Variants in C6orf89 observed in about 807,000 individuals in gnomAD.
C6orf89 encodes bombesin receptor-activated protein C6orf89.
C6orf89 carries 29 observed loss-of-function variants against 40.7 expected under a neutral mutation model. The ratio of observed to expected loss-of-function variants is 0.71; its 90% CI spans 0.53 to 0.97. The LOEUF (loss-of-function observed/expected upper bound fraction) is 0.97, where lower values mean the gene tolerates loss of function less well. Ranked by LOEUF, C6orf89 falls within the 50% of genes least tolerant of loss-of-function variation. C6orf89 has a pLI of 0.00. For missense variants in C6orf89, 392 were observed against 429.1 expected (o/e 0.91, Z 0.76); for synonymous variants, 165 against 152.2 (o/e 1.08, Z -0.62).
intron 4 of C6orf89, among the ~76,000 whole-genome samples, chr6:36,907,246 A>G (rs147793125): frequency 2.6e-4 from 39 of 151,946 alleles, no homozygotes; most frequent in Non-Finnish European, 1.5e-4. Context: ...CTTTTTATCC[A>G]GAGGGAGTTT....
chr6:36,919,213 A>G (rs1282196285), intron 7 of C6orf89, among the ~76,000 whole-genome samples: 1 of 152,152 alleles, frequency 6.6e-6, no homozygotes, highest in Non-Finnish European at 1.5e-5. Flanking sequence ...GCAATTAGGT[A>G]TTTTTCTTTG....
chr6:36,887,755 A>G (rs1242810101), intron 1 of C6orf89, among the ~76,000 whole-genome samples: 4 of 152,214 alleles, frequency 2.6e-5, no homozygotes, highest in Non-Finnish European at 1.5e-5. Context: ...ATCTCATTCC[A>G]TCACCCAGGT....
At chr6:36,915,531 C>T (rs553982061) in intron 6 of C6orf89, among the ~76,000 whole-genome samples, 4 of 152,126 alleles carry the variant, frequency 2.6e-5, no homozygotes, top group Admixed American at 2.0e-4. Flanking sequence ...CACTTGGGCC[C>T]GGGAGTTGGA....
intron 4 of C6orf89, among the ~76,000 whole-genome samples, chr6:36,903,406 A>ACTTTT (rs1761799005): frequency 6.6e-6 from 1 of 152,188 alleles, no homozygotes; most frequent in South Asian, 2.1e-4. Flanking sequence ...ATGTGTCTTA[A>ACTTTT]ATTTTAGGAA....
chr6:36,925,575 AAATC>A lies in C6orf89; in HGVS notation c.*2135_*2138del, dbSNP rs1235164941. 6.6e-6 allele frequency: 1 copy of A among 152,222 alleles called. No homozygotes were observed. Among genetic ancestry groups the A allele is most frequent in the African/African-American group, 2.4e-5 (1 of 41,464 alleles). The allele number at this position is 152,222 out of a possible 1,614,324, so 9.4% of individuals were successfully genotyped here. On this transcript the variant is annotated 3_prime_UTR_variant, in exon 9 of 9. Coordinates refer to ENST00000480824, the MANE Select transcript of C6orf89 (RefSeq NM_001286635.2). ...ATGGATATACTACTCATTTTACTTA[AAATC>A]TACCCAGTTCAGACTTGAATGTAAA...
intron 6 of C6orf89, 133 bp from the exon 7 acceptor site, chr6:36,916,312 C>A: frequency 1.1e-6 from 1 of 926,404 alleles, no homozygotes; most frequent in Non-Finnish European, 1.6e-6. Flanking sequence ...GGACCTAGTA[C>A]TTAAGATACT....
upstream of C6orf89, among the ~76,000 whole-genome samples, chr6:36,881,175 A>G (rs1774795750): frequency 6.6e-6 from 1 of 152,214 alleles, no homozygotes; most frequent in South Asian, 2.1e-4. Context: ...AAAAGTTGCT[A>G]AGAGTTAACA....
At chr6:36,877,978 C>G (rs1273923806) in intron 1 of C6orf89, among the ~76,000 whole-genome samples, 5 of 152,204 alleles carry the variant, frequency 3.3e-5, no homozygotes, top group Non-Finnish European at 7.3e-5. Context: ...TGCATTTTCT[C>G]TCTTACAGAA....
At chr6:36,904,896 A>G (rs1325374615) in intron 4 of C6orf89, among the ~76,000 whole-genome samples, 2 of 152,162 alleles carry the variant, frequency 1.3e-5, no homozygotes, top group Non-Finnish European at 2.9e-5. Flanking sequence ...AGGCACCACC[A>G]CCAATGACTG....
At position 36,885,988 on chromosome 6, in the gene C6orf89, T is replaced by TC; in HGVS notation, c.-156dup. On this transcript the variant is annotated 5_prime_UTR_variant, in exon 1 of 9. Coordinates refer to ENST00000480824, the MANE Select transcript of C6orf89 (RefSeq NM_001286635.2). ...CATCCTCCTCGCCCGGCGGCAGCTGTCCCCGAGGCGGGAGGAGCCCGAGGG... is the reference window on the plus strand; with the variant it reads ...CATCCTCCTCGCCCGGCGGCAGCTGTCCCCCGAGGCGGGAGGAGCCCGAGGG... 8.3e-7 allele frequency: 1 copy of TC among 1,208,872 alleles called. No individual in the cohort carries two copies. Among genetic ancestry groups the TC allele is most frequent in the Non-Finnish European group, 1.0e-6 (1 of 982,910 alleles). 74.9% of individuals were successfully genotyped at this position (1,208,872 alleles called of 1,614,324 possible).
At chr6:36,890,981 T>G (rs1312399746) in intron 1 of C6orf89, among the ~76,000 whole-genome samples, 1 of 145,814 alleles carries the variant, frequency 6.9e-6, no homozygotes, top group African/African-American at 2.6e-5. Flanking sequence ...TATTATAATC[T>G]AAGAAGCACT....
intron 4 of C6orf89, among the ~76,000 whole-genome samples, chr6:36,907,168 A>G (rs1180475774): frequency 6.6e-6 from 1 of 152,194 alleles, no homozygotes; most frequent in Non-Finnish European, 1.5e-5. Context: ...AAAGCAGTGA[A>G]CAAAACAGAC....
chr6:36,878,342 G>T (rs1774715195), intron 1 of C6orf89, among the ~76,000 whole-genome samples: 1 of 152,174 alleles, frequency 6.6e-6, no homozygotes, highest in Admixed American at 6.5e-5. Context: ...GTAGTATTTT[G>T]TTTGCAGATT....
At chr6:36,923,283 C>A in intron 8 of C6orf89, 64 bp from the exon 9 acceptor site, 2 of 1,255,178 alleles carry the variant, frequency 1.6e-6, no homozygotes, top group South Asian at 1.3e-5. Flanking sequence ...CTGCCTTGCT[C>A]GTGCCCACAG....
At chr6:36,887,382 T>C (rs1775034597) in intron 1 of C6orf89, among the ~76,000 whole-genome samples, 1 of 152,256 alleles carries the variant, frequency 6.6e-6, no homozygotes, top group Non-Finnish European at 1.5e-5. Context: ...ATTCCACATC[T>C]GAGGTGAATT....
At chr6:36,911,405 G>A (rs1160021524) in intron 4 of C6orf89, among the ~76,000 whole-genome samples, 5 of 152,006 alleles carry the variant, frequency 3.3e-5, no homozygotes, top group African/African-American at 9.7e-5. Flanking sequence ...CAGGAGAATC[G>A]CTTGACCCCA....
At chr6:36,888,925 T>C (rs1015937966) in intron 1 of C6orf89, among the ~76,000 whole-genome samples, 7 of 152,012 alleles carry the variant, frequency 4.6e-5, no homozygotes, top group African/African-American at 1.7e-4. Flanking sequence ...AGGAATGAGT[T>C]GAAGGGGAAA....
chr6:36,922,585 A>C (rs1157272034), intron 8 of C6orf89, among the ~76,000 whole-genome samples: 1 of 152,198 alleles, frequency 6.6e-6, no homozygotes, highest in Non-Finnish European at 1.5e-5. Flanking sequence ...GACTTTGGGA[A>C]ATGCCTGTCT....
At chr6:36,917,191 A>T (rs534787396) in intron 7 of C6orf89, among the ~76,000 whole-genome samples, 4 of 152,324 alleles carry the variant, frequency 2.6e-5, no homozygotes, top group Admixed American at 6.5e-5. Context: ...TCTCACCCCC[A>T]GGATGGTTTT....
Sources: gnomAD v4.1 joint callset for allele counts (sites outside exome capture counted in the v4.1 genomes callset) on GRCh38, gnomAD v4.1.1 for gene constraint, MANE v1.5 for transcripts, NCBI Gene and HGNC (gene_info 2026-07-23, HGNC 2026-07-21) for gene names.